The following PLXNA2 variants were observed in gnomAD, a reference collection of about 807,000 sequenced individuals.
PLXNA2 encodes plexin A2.
Under a neutral mutation model 193.5 loss-of-function variants are expected in PLXNA2, and 91 were observed. The ratio of observed to expected loss-of-function variants is 0.47; its 90% CI spans 0.40 to 0.56. The LOEUF (loss-of-function observed/expected upper bound fraction) is 0.56, where lower values mean the gene tolerates loss of function less well. Among genes scored for constraint, PLXNA2 ranks in the 20% least tolerant of loss-of-function variants. The pLI is 0.00. For synonymous variants in PLXNA2, 997 were observed against 1,027.3 expected (o/e 0.97, Z 0.56); for missense variants, 1,995 against 2,503.2 (o/e 0.80, Z 4.33).
chr1:208,227,407 G>A (rs1003036444), intron 1 of PLXNA2, among the ~76,000 whole-genome samples: 18 of 152,102 alleles, frequency 1.2e-4, no homozygotes, highest in Non-Finnish European at 2.2e-4. Context: ...GAAGCCTAAC[G>A]TGACGAGCAT....
intron 1 of PLXNA2, among the ~76,000 whole-genome samples, chr1:208,226,661 G>C (rs1322967610): frequency 5.9e-5 from 9 of 152,212 alleles, no homozygotes; most frequent in Admixed American, 5.9e-4. Flanking sequence ...TCATGGGCCT[G>C]TCAGAAATCT....
intron 12 of PLXNA2, among the ~76,000 whole-genome samples, chr1:208,076,100 C>T (rs949710447): frequency 4.0e-5 from 6 of 151,274 alleles, no homozygotes; most frequent in Non-Finnish European, 2.9e-5. Flanking sequence ...CAGGGTTTTG[C>T]TCTGTTGCCC....
Position 208,217,113 on chromosome 1 carries a change from G to A in PLXNA2, c.810C>T (p.Ser270=), listed in dbSNP as rs142400342. Residue 270 remains serine, a synonymous_variant, in exon 2 of 32, where the codon TCC becomes TCT. Coordinates refer to ENST00000367033, the MANE Select transcript of PLXNA2 (RefSeq NM_025179.4). This position sits in a 1 kb window ranked among gnomAD's most constrained non-coding sequence, Gnocchi z 4.7. ...PETPEGVAIN[S]AGDLFYTSRI... The stretch of plus-strand genomic sequence containing the variant: ...GTGAGGTGTAGAAGAGGTCTCCAGC[G>A]GAGTTGATGGCCACACCCTCAGGGG... 4.6e-5 allele frequency: 75 copies of A among 1,614,012 alleles called. No homozygotes were observed. Among genetic ancestry groups the A allele is most frequent in the East Asian group, 6.7e-5 (3 of 44,882 alleles).
chr1:208,151,263 T>C (rs1038237254), intron 3 of PLXNA2, among the ~76,000 whole-genome samples: 1 of 152,164 alleles, frequency 6.6e-6, no homozygotes, highest in African/African-American at 2.4e-5. Flanking sequence ...ATCTGAACCT[T>C]TGTTTACCCC....
rs762955630 is a variant in PLXNA2, at chr1:208,210,451, G to A, written c.1200C>T (p.Ile400=). Residue 400 remains isoleucine, a synonymous_variant, in exon 3 of 32, where the codon ATC becomes ATT. Coordinates refer to ENST00000367033, the MANE Select transcript of PLXNA2 (RefSeq NM_025179.4). ...TGTCCAGTCCACAGAAGTTATCATCGATGGGGACAGGCTGGAGGGAAGCGG... is the reference window on the plus strand; with the variant it reads ...TGTCCAGTCCACAGAAGTTATCATCAATGGGGACAGGCTGGAGGGAAGCGG... ...DVQCTKAPVP[I]DDNFCGLDIN... is the part of the protein sequence containing the mutation. 3 of 1,612,454 alleles carry A rather than the reference G, an allele frequency of 1.9e-6. No individual in the cohort carries two copies. Among genetic ancestry groups the A allele is most frequent in the South Asian group, 1.1e-5 (1 of 90,870 alleles).
intron 4 of PLXNA2, among the ~76,000 whole-genome samples, chr1:208,116,557 A>C (rs1667644443): frequency 6.6e-6 from 1 of 152,178 alleles, no homozygotes; most frequent in African/African-American, 2.4e-5. Flanking sequence ...TTTAATAGTC[A>C]ATGTTTACAA....
Position 208,149,529 on chromosome 1 carries a change from G to T in PLXNA2, c.1372-7066C>A, listed in dbSNP as rs182517116. Among the ~76,000 whole-genome samples the T allele has an allele frequency of 1.4e-3, 209 of 151,980 alleles. 3 individuals carry two copies. Among genetic ancestry groups the T allele is most frequent in the Non-Finnish European group, 4.7e-4 (32 of 67,948 alleles). On this transcript the variant is annotated intron_variant, in intron 3 of 31. Transcript: ENST00000367033. ...GGTGTATAGGCACTGTATGTGGTGT[G>T]TGTATGCAGTATGTGTGTATAAGTG...
At chr1:208,032,091 G>C (rs1664522553) in intron 28 of PLXNA2, 1 of 985,342 alleles carries the variant, frequency 1.0e-6, no homozygotes, top group Non-Finnish European at 1.2e-6. Context: ...GGCACAGGCT[G>C]CAAGCCAGTC....
intron 18 of PLXNA2, 25 bp from the exon 19 acceptor site, chr1:208,045,235 G>A (rs780584446): frequency 3.2e-5 from 51 of 1,608,816 alleles, no homozygotes; most frequent in Non-Finnish European, 4.3e-5. Flanking sequence ...AGTCTTTATA[G>A]GCATAATTGA....
At chr1:208,198,631 G>A (rs1670436238) in intron 3 of PLXNA2, among the ~76,000 whole-genome samples, 1 of 152,226 alleles carries the variant, frequency 6.6e-6, no homozygotes, top group Admixed American at 6.5e-5. Context: ...GTGTGCCGAG[G>A]TGACAGCTGC....
intron 4 of PLXNA2, among the ~76,000 whole-genome samples, chr1:208,118,112 G>A (rs1009256277): frequency 2.0e-5 from 3 of 152,244 alleles, no homozygotes; most frequent in African/African-American, 4.8e-5. Flanking sequence ...GTTAAGGACT[G>A]CTGTTCCTCA....
At chr1:208,064,141 T>G (rs1378963766) in intron 12 of PLXNA2, among the ~76,000 whole-genome samples, 1 of 152,226 alleles carries the variant, frequency 6.6e-6, no homozygotes, top group Non-Finnish European at 1.5e-5. Context: ...ATAAAGAAGG[T>G]CGCCAGGCCC....
Position 208,028,747 on chromosome 1 carries a change from TGA to T in PLXNA2, c.5438+81_5438+82del. The T allele has an allele frequency of 9.4e-6, 12 of 1,281,466 alleles. No individual in the cohort carries two copies. Among genetic ancestry groups the T allele is most frequent in the Non-Finnish European group, 1.3e-5 (12 of 908,644 alleles). 79.4% of individuals were successfully genotyped at this position (1,281,466 alleles called of 1,614,324 possible). A position where few individuals can be genotyped will look rare whatever the true frequency, so the allele number is the denominator to read the frequency against. On this transcript the variant is annotated intron_variant, in intron 30 of 31. Transcript: ENST00000367033. This position sits in a 1 kb window ranked among gnomAD's most constrained non-coding sequence, Gnocchi z 4.2. ...TGAAGAGATGACAGACACCGTCGTC[TGA>T]GTCCTTAGTCAGTGATGACTATAGA...
intron 1 of PLXNA2, among the ~76,000 whole-genome samples, chr1:208,240,905 T>C (rs567211924): frequency 3.4e-4 from 51 of 152,180 alleles, no homozygotes; most frequent in Admixed American, 3.0e-3. Flanking sequence ...GGGGAGGTGC[T>C]GCTGGAGACA....
rs556497291 is a variant in PLXNA2 at position 208,176,581 on chromosome 1, A to G, written c.1371+33699T>C. Among the ~76,000 whole-genome samples the G allele has an allele frequency of 1.9e-3, 289 of 152,350 alleles. 1 individual carries two copies. Among genetic ancestry groups the G allele is most frequent in the Non-Finnish European group, 1.8e-3 (123 of 68,032 alleles). ...GACAGTAAGGGGATGCTGTCCAGGT[A>G]GATAGAAAGTGCCAGGGAAAGAGGG... On this transcript the variant is annotated intron_variant, in intron 3 of 31. Coordinates refer to ENST00000367033, the MANE Select transcript of PLXNA2 (RefSeq NM_025179.4).
At chr1:208,204,356 G>A (rs1670648636) in intron 3 of PLXNA2, among the ~76,000 whole-genome samples, 1 of 152,128 alleles carries the variant, frequency 6.6e-6, no homozygotes, top group African/African-American at 2.4e-5. Flanking sequence ...CTATTCTGGG[G>A]CCCTCCAGGC....
chr1:208,206,775 T>TG (rs1670741380), intron 3 of PLXNA2, among the ~76,000 whole-genome samples: 1 of 149,340 alleles, frequency 6.7e-6, no homozygotes, highest in Non-Finnish European at 1.5e-5. Context: ...GGTTTTTTTT[T>TG]TTTTTTTTTT....
At position 208,060,745 on chromosome 1, in the gene PLXNA2, A is replaced by T. The variant is rs759006269; in HGVS notation, c.2679T>A (p.His893Gln). ...LGLDFSEIAH[H>Q]VQVAGVPCTP... ...TGCAGGGCACCCCAGCCACCTGCAC[A>T]TGGTGGGCGATCTCGGAGAAGTCCA... Residue 893 changes from histidine (H) to glutamine (Q), a missense_variant, in exon 13 of 32, where the codon CAT becomes CAA. Coordinates refer to ENST00000367033, the MANE Select transcript of PLXNA2 (RefSeq NM_025179.4). 3 of 1,613,848 alleles carry T rather than the reference A, an allele frequency of 1.9e-6. No homozygotes were observed. The East Asian group carries it at 6.7e-5, about 36-fold the overall frequency.
chr1:208,167,435 A>G (rs1300834605), intron 3 of PLXNA2, among the ~76,000 whole-genome samples: 2 of 152,192 alleles, frequency 1.3e-5, no homozygotes, highest in South Asian at 2.1e-4. Context: ...ATAATTAAAT[A>G]TCAACACGTG....
Sources: allele counts gnomAD v4.1 joint callset (sites outside exome capture counted in the v4.1 genomes callset), GRCh38; gene constraint gnomAD v4.1.1; non-coding constraint Gnocchi (gnomAD v3.1); transcripts MANE v1.5; gene names NCBI Gene and HGNC (gene_info 2026-07-23, HGNC 2026-07-21).